RAB31: variants seen among roughly 807,000 people sequenced by gnomAD.
RAB31 encodes ras-related protein Rab-31.
RAB31 carries 21 observed loss-of-function variants against 25.6 expected under a neutral mutation model. The observed-to-expected ratio is 0.82, with a 90% CI of 0.58 to 1.18. The LOEUF (loss-of-function observed/expected upper bound fraction) is 1.18. RAB31 is among the 50% of genes most tolerant of loss of function. The pLI is 0.00. For synonymous variants in RAB31, 87 were observed against 84.0 expected, an observed-to-expected ratio of 1.04 and a Z score of -0.20; for missense variants, 196 against 250.1, an observed-to-expected ratio of 0.78 and a Z score of 1.46.
chr18:9,852,459 T>A (rs1371377105), intron 6 of RAB31, among the ~76,000 whole-genome samples: 1 of 152,238 alleles, frequency 6.6e-6, no homozygotes, highest in African/African-American at 2.4e-5. Context: ...TTAGTTGGTA[T>A]GTCTTTTAGG....
chr18:9,798,788 TA>T (rs11285866), intron 3 of RAB31, among the ~76,000 whole-genome samples: 43,779 of 144,922 alleles, frequency 0.3, 6,595 homozygotes, highest in South Asian at 0.4. Context: ...GCAGCTAATT[TA>T]AAAAAAAAAA....
intron 3 of RAB31, among the ~76,000 whole-genome samples, chr18:9,808,625 G>A (rs1008659781): frequency 2.3e-4 from 35 of 152,202 alleles, no homozygotes; most frequent in African/African-American, 8.4e-4. Flanking sequence ...TTGAATCCCA[G>A]TGGACCTTGG....
At chr18:9,769,874 T>C (rs772071364) in intron 1 of RAB31, among the ~76,000 whole-genome samples, 106 of 152,228 alleles carry the variant, frequency 7.0e-4, no homozygotes, top group Non-Finnish European at 1.3e-3. Context: ...ACCTAGTTTA[T>C]TGAGAGTTTT....
chr18:9,855,060 C>T (rs1482316209), intron 6 of RAB31, among the ~76,000 whole-genome samples: 8 of 152,112 alleles, frequency 5.3e-5, no homozygotes, highest in African/African-American at 1.9e-4. Flanking sequence ...GGCTGGTCCA[C>T]GGGGAAAGGG....
At chr18:9,843,726 G>A (rs1430461598) in intron 5 of RAB31, among the ~76,000 whole-genome samples, 1 of 152,036 alleles carries the variant, frequency 6.6e-6, no homozygotes, top group Non-Finnish European at 1.5e-5. Flanking sequence ...AGTGAATGTC[G>A]GGGTGTACTT....
At chr18:9,837,785 C>A (rs2068712826) in intron 5 of RAB31, among the ~76,000 whole-genome samples, 1 of 152,172 alleles carries the variant, frequency 6.6e-6, no homozygotes, top group South Asian at 2.1e-4. Flanking sequence ...AAGTACGATG[C>A]AGTTCTACTC....
In RAB31 at chr18:9,775,269, C is replaced by A. The variant is rs778015516; in HGVS notation, c.40-9C>A. ...TCATCTTCACGGTTGTATCCTCATT[C>A]TTTCCTAGGACACTGGGGTTGGGAA... On this transcript the variant is annotated splice_polypyrimidine_tract_variant and intron_variant, in intron 1 of 6. Transcript: ENST00000578921. 1 of 1,613,798 alleles carries A rather than the reference C, an allele frequency of 6.2e-7. No individual in the cohort carries two copies. The highest frequency in any genetic ancestry group is 1.7e-5 in the Admixed American group (1 of 60,014).
chr18:9,824,960 C>A (rs536914333), intron 5 of RAB31, among the ~76,000 whole-genome samples: 1 of 152,178 alleles, frequency 6.6e-6, no homozygotes, highest in African/African-American at 2.4e-5. Flanking sequence ...TGTAACCCCC[C>A]GTCCTTCCTG....
At chr18:9,832,416 G>A (rs1257028395) in intron 5 of RAB31, among the ~76,000 whole-genome samples, 1 of 152,224 alleles carries the variant, frequency 6.6e-6, no homozygotes, top group African/African-American at 2.4e-5. Flanking sequence ...ACGGTTCACA[G>A]CACGAAGATC....
chr18:9,760,891 A>C (rs1318663114), intron 1 of RAB31, among the ~76,000 whole-genome samples: 1 of 152,216 alleles, frequency 6.6e-6, no homozygotes, highest in Non-Finnish European at 1.5e-5. Flanking sequence ...ATGAAAAGGC[A>C]CTTAATAAAA....
chr18:9,777,679 A>G (rs1185397716), intron 2 of RAB31, among the ~76,000 whole-genome samples: 5 of 151,912 alleles, frequency 3.3e-5, no homozygotes, highest in Admixed American at 3.3e-4. Flanking sequence ...CAGAAGATGG[A>G]GGAGAGATTT....
intron 5 of RAB31, among the ~76,000 whole-genome samples, chr18:9,842,268 C>T (rs1042597368): frequency 2.6e-5 from 4 of 152,164 alleles, no homozygotes; most frequent in African/African-American, 7.2e-5. Context: ...CAGAGGCTGG[C>T]GTTGGGGCTG....
chr18:9,719,218 C>T (rs373626918), intron 1 of RAB31, among the ~76,000 whole-genome samples: 9 of 126,674 alleles, frequency 7.1e-5, no homozygotes, highest in East Asian at 5.0e-4. Context: ...TGCAGGGAGC[C>T]GAGATTGTGC....
At chr18:9,780,468 TTTG>T (rs1256255167) in intron 2 of RAB31, among the ~76,000 whole-genome samples, 2 of 152,266 alleles carry the variant, frequency 1.3e-5, no homozygotes, top group East Asian at 1.9e-4. Flanking sequence ...CTGTAAACAT[TTTG>T]TTATTTTCTT....
intron 5 of RAB31, among the ~76,000 whole-genome samples, chr18:9,843,901 G>A (rs1013441271): frequency 1.3e-5 from 2 of 151,696 alleles, no homozygotes; most frequent in African/African-American, 4.8e-5. Flanking sequence ...AGTCCCATAG[G>A]AATTTGAATG....
intron 5 of RAB31, among the ~76,000 whole-genome samples, chr18:9,828,877 G>T (rs1241750124): frequency 6.6e-6 from 1 of 152,178 alleles, no homozygotes; most frequent in Non-Finnish European, 1.5e-5. Flanking sequence ...TTTTCCTTAT[G>T]TGAGATAATG....
At chr18:9,842,180 T>A (rs1442318793) in intron 5 of RAB31, among the ~76,000 whole-genome samples, 1 of 152,190 alleles carries the variant, frequency 6.6e-6, no homozygotes, top group Admixed American at 6.5e-5. Flanking sequence ...CCGGACCCTC[T>A]CAAGCCTTGT....
chr18:9,852,592 CT>C lies in RAB31; in HGVS notation c.491-6624del, dbSNP rs201534961. On this transcript the variant is annotated intron_variant, in intron 6 of 6. Coordinates refer to ENST00000578921, the MANE Select transcript of RAB31 (RefSeq NM_006868.4). The stretch of plus-strand genomic sequence containing the variant: ...AGACAATATGGATTTTGCTGAGTTC[CT>C]TTTTTTTTTTTCCTGAATAGTATTC... Among the ~76,000 whole-genome samples, 209 of 144,684 alleles carry C rather than the reference CT, an allele frequency of 1.4e-3. 1 individual carries two copies. The highest frequency in any genetic ancestry group is 4.0e-3 in the East Asian group (20 of 5,040). 94.9% of individuals were successfully genotyped at this position (144,684 alleles called of 152,430 possible). A position where few individuals can be genotyped will look rare whatever the true frequency, so the allele number is the denominator to read the frequency against.
rs1031419362 is a variant in RAB31 at position 9,766,681 on chromosome 18, C to T, written c.40-8597C>T. 7.9e-5 allele frequency among the ~76,000 whole-genome samples: 12 copies of T among 152,222 alleles called. No homozygotes were observed. The South Asian group carries it at 2.5e-3, about 32-fold the overall frequency. Reference sequence around the variant, plus strand: ...GACGTTTTAGAAGCATGTGGCTGGGCGCATGGCTCACACCGGTAATCTCAG... The same window carrying T: ...GACGTTTTAGAAGCATGTGGCTGGGTGCATGGCTCACACCGGTAATCTCAG... On this transcript the variant is annotated intron_variant, in intron 1 of 6. Transcript: ENST00000578921. The surrounding 1 kb of genome is among the most constrained non-coding windows in gnomAD (Gnocchi z 4.3).
Sources: allele counts gnomAD v4.1 joint callset (sites outside exome capture counted in the v4.1 genomes callset), GRCh38; gene constraint gnomAD v4.1.1; non-coding constraint Gnocchi (gnomAD v3.1); transcripts MANE v1.5; gene names NCBI Gene and HGNC (gene_info 2026-07-23, HGNC 2026-07-21).